The following LINGO2 variants were observed in gnomAD, a reference collection of about 807,000 sequenced individuals.
The protein encoded by LINGO2 is leucine rich repeat and Ig domain containing 2.
LINGO2 carries 14 observed loss-of-function variants against 30.6 expected under a neutral mutation model. The observed-to-expected ratio is 0.46, with a 90% CI of 0.30 to 0.72. The LOEUF is 0.72. LINGO2 is among the 30% of genes least tolerant of loss of function. LINGO2 has a pLI of 0.07. For synonymous variants in LINGO2, 317 were observed against 288.5 expected, an observed-to-expected ratio of 1.10 and a Z score of -1.00; for missense variants, 729 against 751.7, an observed-to-expected ratio of 0.97 and a Z score of 0.35.
the LINGO2 span, among the ~76,000 whole-genome samples, chr9:28,819,962 C>T: frequency 6.6e-6 from 1 of 152,208 alleles, no homozygotes; most frequent in East Asian, 1.9e-4. Context: ...AATCCCCCAC[C>T]CTCTGAATCA....
At chr9:28,818,100 T>C in the LINGO2 span, among the ~76,000 whole-genome samples, 2 of 152,206 alleles carry the variant, frequency 1.3e-5, no homozygotes, top group Non-Finnish European at 1.5e-5. Context: ...AATTTAATGA[T>C]AGAACTCACA....
chr9:28,416,274 T>C (rs770384685), intron 2 of LINGO2, among the ~76,000 whole-genome samples: 49 of 152,148 alleles, frequency 3.2e-4, no homozygotes, highest in Non-Finnish European at 5.0e-4. Context: ...CCAGTTTAAT[T>C]AAAGATGCTA....
the LINGO2 span, among the ~76,000 whole-genome samples, chr9:29,109,911 C>G: frequency 6.6e-6 from 1 of 152,176 alleles, no homozygotes; most frequent in Non-Finnish European, 1.5e-5. Context: ...GTGCTGCCCA[C>G]TTCATTGAAG....
At chr9:28,095,068 C>G (rs1460136726) in intron 4 of LINGO2, among the ~76,000 whole-genome samples, 1 of 152,110 alleles carries the variant, frequency 6.6e-6, no homozygotes, top group Non-Finnish European at 1.5e-5. Flanking sequence ...TACATTATGT[C>G]TGAACTCCAA....
At chr9:28,191,753 A>C (rs913267887) in intron 4 of LINGO2, among the ~76,000 whole-genome samples, 1 of 152,036 alleles carries the variant, frequency 6.6e-6, no homozygotes, top group Non-Finnish European at 1.5e-5. Context: ...GCAGAACCTA[A>C]AGTTTTAACC....
chr9:28,327,431 A>G (rs1288294947), intron 3 of LINGO2, among the ~76,000 whole-genome samples: 1 of 152,280 alleles, frequency 6.6e-6, no homozygotes, highest in African/African-American at 2.4e-5. Context: ...AGGAAGAATG[A>G]ATGGCTTTTT....
At chr9:28,870,472 A>G in the LINGO2 span, among the ~76,000 whole-genome samples, 2 of 151,992 alleles carry the variant, frequency 1.3e-5, no homozygotes, top group Admixed American at 6.6e-5. Flanking sequence ...CTGACTCCCC[A>G]TACAGAGGTT....
intron 5 of LINGO2, among the ~76,000 whole-genome samples, chr9:27,967,772 C>CT (rs1820169081): frequency 6.6e-6 from 1 of 151,956 alleles, no homozygotes; most frequent in East Asian, 1.9e-4. Context: ...TAACTCTGAC[C>CT]TTTGTTAATG....
chr9:28,258,811 A>G (rs912291559), intron 4 of LINGO2, among the ~76,000 whole-genome samples: 1 of 150,960 alleles, frequency 6.6e-6, no homozygotes, highest in Non-Finnish European at 1.5e-5. Flanking sequence ...CAAAGTTTAT[A>G]CAATGTGTAT....
chr9:28,046,762 CT>C (rs112911094), intron 4 of LINGO2, among the ~76,000 whole-genome samples: 10,010 of 152,080 alleles, frequency 0.066, 547 homozygotes, highest in African/African-American at 0.15. Flanking sequence ...ATATTGTCCC[CT>C]GATGCAACTC....
the LINGO2 span, among the ~76,000 whole-genome samples, chr9:28,916,993 A>G: frequency 6.6e-6 from 1 of 152,154 alleles, no homozygotes; most frequent in Admixed American, 6.5e-5. Flanking sequence ...GGTGGGAGTA[A>G]ACACTAATGT....
chr9:28,645,545 T>G (rs1827799846), intron 1 of LINGO2, among the ~76,000 whole-genome samples: 2 of 152,116 alleles, frequency 1.3e-5, no homozygotes, highest in East Asian at 3.8e-4. Context: ...AAATCATTGT[T>G]GTCTAATAGT....
chr9:28,250,907 G>A (rs1822174005), intron 4 of LINGO2, among the ~76,000 whole-genome samples: 1 of 145,606 alleles, frequency 6.9e-6, no homozygotes, highest in Admixed American at 6.8e-5. Flanking sequence ...GTCAGTTGGG[G>A]ACCTGCAAAT....
At chr9:28,342,000 ACAATGTAAT>A (rs1825782244) in intron 3 of LINGO2, among the ~76,000 whole-genome samples, 2 of 152,146 alleles carry the variant, frequency 1.3e-5, no homozygotes, top group Admixed American at 6.6e-5. Flanking sequence ...AGCCTTCTTT[ACAATGTAAT>A]TCCAAATACC....
chr9:28,643,877 A>G (rs902058795), intron 1 of LINGO2, among the ~76,000 whole-genome samples: 1 of 152,130 alleles, frequency 6.6e-6, no homozygotes, highest in African/African-American at 2.4e-5. Context: ...TGAACAAAAG[A>G]TCTGAATAGA....
intron 1 of LINGO2, among the ~76,000 whole-genome samples, chr9:28,502,011 G>T (rs535398556): frequency 2.5e-4 from 38 of 151,906 alleles, no homozygotes; most frequent in Non-Finnish European, 5.2e-4. Flanking sequence ...AAAAAGAAAA[G>T]AAAGGAAGGA....
chr9:28,250,390 A>G (rs576536400), intron 4 of LINGO2, among the ~76,000 whole-genome samples: 1 of 152,192 alleles, frequency 6.6e-6, no homozygotes, highest in Non-Finnish European at 1.5e-5. Flanking sequence ...CACAGTGGTG[A>G]GTTTCCTTGG....
intron 4 of LINGO2, among the ~76,000 whole-genome samples, chr9:28,248,454 G>C (rs766922616): frequency 6.6e-6 from 1 of 152,192 alleles, no homozygotes; most frequent in Non-Finnish European, 1.5e-5. Context: ...GTGGTCACCA[G>C]TGGTTGGAAT....
intron 4 of LINGO2, among the ~76,000 whole-genome samples, chr9:28,014,718 C>T (rs781748332): frequency 1.3e-5 from 2 of 152,046 alleles, no homozygotes; most frequent in African/African-American, 2.4e-5. Context: ...AGTTGTTGAG[C>T]CACAAATTAT....
Sources: gnomAD v4.1 joint callset for allele counts (sites outside exome capture counted in the v4.1 genomes callset) on GRCh38, gnomAD v4.1.1 for gene constraint, MANE v1.5 for transcripts, NCBI Gene and HGNC (gene_info 2026-07-23, HGNC 2026-07-21) for gene names.